Variants in ADGRL3 observed in about 807,000 individuals in gnomAD.
ADGRL3 encodes the protein calcium-independent alpha-latrotoxin receptor 3.
Under a neutral mutation model 153.5 loss-of-function variants are expected in ADGRL3, and 62 were observed. The ratio of observed to expected loss-of-function variants is 0.40; its 90% CI spans 0.33 to 0.50. The LOEUF is 0.50. ADGRL3 is among the 20% of genes least tolerant of loss of function. The pLI, the probability that ADGRL3 is intolerant of heterozygous loss-of-function variation, is 0.47. For missense variants in ADGRL3, 1,641 were observed against 1,859.4 expected, an observed-to-expected ratio of 0.88 and a Z score of 2.16; for synonymous variants, 710 against 672.5, an observed-to-expected ratio of 1.06 and a Z score of -0.86.
chr4:62,058,453 A>T (rs377483971), intron 25 of ADGRL3, among the ~76,000 whole-genome samples: 35 of 152,310 alleles, frequency 2.3e-4, no homozygotes, highest in African/African-American at 8.4e-4. Context: ...CATCAATTTC[A>T]CGTACATTTT....
intron 9 of ADGRL3, among the ~76,000 whole-genome samples, chr4:61,871,387 G>A (rs2098444742): frequency 6.6e-6 from 1 of 152,042 alleles, no homozygotes; most frequent in Non-Finnish European, 1.5e-5. Context: ...GAATATTATT[G>A]TGTAATCAAA....
At position 61,497,289 on chromosome 4, in the gene ADGRL3, C is replaced by T. The variant is rs757388371; in HGVS notation, c.-5C>T. 4.9e-5 allele frequency: 78 copies of T among 1,588,842 alleles called. No homozygotes were observed. The highest frequency in any genetic ancestry group is 6.7e-5 in the Non-Finnish European group (78 of 1,163,400). On this transcript the variant is annotated 5_prime_UTR_variant, in exon 3 of 27. Coordinates refer to ENST00000683033, the MANE Select transcript of ADGRL3 (RefSeq NM_001387552.1). ...GAGGAATACTCCATACCTGAGTAGA[C>T]AGCCATGTGGCCATCGCAGCTACTA... is the stretch of plus-strand genomic sequence containing the variant.
intron 1 of ADGRL3, among the ~76,000 whole-genome samples, chr4:61,214,497 A>G (rs6845545): frequency 0.18 from 26,940 of 152,212 alleles, 2,728 homozygotes; most frequent in East Asian, 0.49. Flanking sequence ...TTATCAGTCA[A>G]TGCATTTAAA....
At chr4:61,989,974 A>G (rs2099098162) in intron 19 of ADGRL3, among the ~76,000 whole-genome samples, 2 of 152,090 alleles carry the variant, frequency 1.3e-5, no homozygotes, top group African/African-American at 2.4e-5. Flanking sequence ...TAGCTACTTC[A>G]GAAAATCGTT....
At chr4:61,442,616 A>G (rs2097539785) in intron 2 of ADGRL3, among the ~76,000 whole-genome samples, 1 of 152,122 alleles carries the variant, frequency 6.6e-6, no homozygotes, top group Non-Finnish European at 1.5e-5. Flanking sequence ...TAGTACTGTT[A>G]AGCAAAATTT....
chr4:61,424,637 A>G (rs2097254314), intron 2 of ADGRL3, among the ~76,000 whole-genome samples: 1 of 152,168 alleles, frequency 6.6e-6, no homozygotes, highest in African/African-American at 2.4e-5. Context: ...TTGTGTCCCT[A>G]TAAGGGCACA....
chr4:61,496,438 T>G (rs1381720142), intron 2 of ADGRL3, among the ~76,000 whole-genome samples: 1 of 146,290 alleles, frequency 6.8e-6, no homozygotes, highest in Admixed American at 6.8e-5. Flanking sequence ...CCGAGGCGGG[T>G]GGATCACCTG....
At chr4:61,400,109 A>C (rs553074458) in intron 2 of ADGRL3, among the ~76,000 whole-genome samples, 1 of 151,918 alleles carries the variant, frequency 6.6e-6, no homozygotes, top group South Asian at 2.1e-4. Context: ...GATTAAGAAA[A>C]AGGAGAAAAG....
intron 21 of ADGRL3, among the ~76,000 whole-genome samples, chr4:62,026,395 T>A (rs1005184954): frequency 8.5e-5 from 13 of 152,054 alleles, no homozygotes; most frequent in African/African-American, 2.9e-4. Context: ...TGTGGCCACA[T>A]CTCTGTGGAC....
At chr4:61,295,945 C>A (rs1277304440) in intron 1 of ADGRL3, among the ~76,000 whole-genome samples, 1 of 152,046 alleles carries the variant, frequency 6.6e-6, no homozygotes, top group African/African-American at 2.4e-5. Context: ...AGAGTGAAAT[C>A]CTGTCTCAAA....
chr4:61,701,430 A>ATTTTTTTT (rs71664995), intron 6 of ADGRL3, among the ~76,000 whole-genome samples: 3 of 105,412 alleles, frequency 2.8e-5, no homozygotes, highest in African/African-American at 1.2e-4. Context: ...TAAAGGTACA[A>ATTTTTTTT]TTTTTTTTTT....
chr4:61,663,651 G>T (rs2094686126), intron 5 of ADGRL3, among the ~76,000 whole-genome samples: 1 of 152,190 alleles, frequency 6.6e-6, no homozygotes, highest in Admixed American at 6.5e-5. Flanking sequence ...AGGCAAACAT[G>T]CCACCAGCTA....
intron 1 of ADGRL3, among the ~76,000 whole-genome samples, chr4:61,277,327 A>G (rs1183340774): frequency 1.3e-5 from 2 of 152,166 alleles, no homozygotes; most frequent in Non-Finnish European, 2.9e-5. Context: ...AGTTCAGTAA[A>G]TGTTTCATAC....
chr4:61,726,210 G>GTTTTTT (rs149472429), intron 6 of ADGRL3, among the ~76,000 whole-genome samples: 13 of 118,468 alleles, frequency 1.1e-4, no homozygotes, highest in African/African-American at 2.5e-4. Flanking sequence ...TTTTTTTTTT[G>GTTTTTT]TTTTTTGAGA....
intron 5 of ADGRL3, 56 bp downstream of exon 5, chr4:61,587,496 T>C: frequency 8.1e-7 from 1 of 1,228,938 alleles, no homozygotes; most frequent in Middle Eastern, 2.0e-4. Flanking sequence ...TCAACATCAA[T>C]CTGTGTTACA....
intron 4 of ADGRL3, among the ~76,000 whole-genome samples, chr4:61,566,258 T>C (rs1298282055): frequency 6.6e-6 from 1 of 152,202 alleles, no homozygotes; most frequent in Admixed American, 6.5e-5. Context: ...TGTAGTTGGC[T>C]GTCATTTCTC....
intron 21 of ADGRL3, among the ~76,000 whole-genome samples, chr4:62,013,449 G>T (rs534941648): frequency 6.6e-6 from 1 of 151,950 alleles, no homozygotes; most frequent in Non-Finnish European, 1.5e-5. Flanking sequence ...GACTGACGCA[G>T]GAGAATCACT....
chr4:61,417,604 T>C (rs1241280442), intron 2 of ADGRL3, among the ~76,000 whole-genome samples: 1 of 110,224 alleles, frequency 9.1e-6, no homozygotes, highest in South Asian at 3.2e-4. Context: ...TTTGAGGTGA[T>C]TTTTTTTGTA....
intron 8 of ADGRL3, among the ~76,000 whole-genome samples, chr4:61,772,825 A>G (rs934943056): frequency 1.3e-5 from 2 of 152,082 alleles, no homozygotes; most frequent in South Asian, 2.1e-4. Flanking sequence ...AAAATATTCA[A>G]TGTGTCAGAG....
Sources: allele counts gnomAD v4.1 joint callset (sites outside exome capture counted in the v4.1 genomes callset), GRCh38; gene constraint gnomAD v4.1.1; transcripts MANE v1.5; gene names NCBI Gene and HGNC (gene_info 2026-07-23, HGNC 2026-07-21).